Variants in RAPH1 observed in about 807,000 individuals in gnomAD.
RAPH1 encodes ras-associated and pleckstrin homology domains-containing protein 1.
Under a neutral mutation model 88.1 loss-of-function variants are expected in RAPH1, and 18 were observed. The observed-to-expected ratio is 0.20, with a 90% confidence interval of 0.14 to 0.30. The LOEUF (loss-of-function observed/expected upper bound fraction) is 0.30. Ranked by LOEUF, RAPH1 falls within the 10% of genes least tolerant of loss-of-function variation. The probability of loss-of-function intolerance (pLI) is 1.00; values close to 1 mark genes in which losing one functional copy is unlikely to be tolerated. For missense variants in RAPH1, 1,448 were observed against 1,543.2 expected (o/e 0.94, Z 1.03); for synonymous variants, 587 against 559.0 (o/e 1.05, Z -0.71).
At chr2:203,456,926 A>T (rs1244224282) in intron 8 of RAPH1, among the ~76,000 whole-genome samples, 1 of 152,156 alleles carries the variant, frequency 6.6e-6, no homozygotes, top group Non-Finnish European at 1.5e-5. Context: ...GCAGATAAAA[A>T]CAGCAAAACC....
intron 1 of RAPH1, 29 bp from the exon 2 acceptor site, chr2:203,495,382 A>G (rs770627792): frequency 2.3e-5 from 37 of 1,612,334 alleles, no homozygotes; most frequent in Non-Finnish European, 2.9e-5. Flanking sequence ...TGTAGAATGA[A>G]TAGTAAGTTA....
intron 4 of RAPH1, chr2:203,477,117 G>T: frequency 6.2e-7 from 1 of 1,613,938 alleles, no homozygotes; most frequent in South Asian, 1.1e-5. Context: ...TCAATATGAC[G>T]CTTGGCCTGC....
At chr2:203,446,816 T>A (rs1484352389) in intron 12 of RAPH1, 1 of 151,856 alleles carries the variant, frequency 6.6e-6, no homozygotes, top group East Asian at 1.9e-4. Flanking sequence ...TGATTATAGC[T>A]CACTGCAGCC....
chr2:203,516,103 T>A (rs993563552), intron 1 of RAPH1, among the ~76,000 whole-genome samples: 5 of 152,162 alleles, frequency 3.3e-5, no homozygotes, highest in Non-Finnish European at 7.4e-5. Context: ...ATTACAGCAA[T>A]GGTTCAAAAG....
intron 1 of RAPH1, among the ~76,000 whole-genome samples, chr2:203,501,153 G>GA (rs1353387013): frequency 6.6e-6 from 1 of 151,244 alleles, no homozygotes. Context: ...GAAACAATAA[G>GA]AAAAAAAATG....
chr2:203,501,699 C>T (rs1390270310), intron 1 of RAPH1, among the ~76,000 whole-genome samples: 1 of 151,626 alleles, frequency 6.6e-6, no homozygotes, highest in Non-Finnish European at 1.5e-5. Flanking sequence ...ATATCCATCA[C>T]TGAAGTTTCC....
intron 2 of RAPH1, 79 bp from the exon 3 acceptor site, chr2:203,491,398 T>C (rs1444434128): frequency 7.9e-6 from 7 of 883,342 alleles, no homozygotes; most frequent in Non-Finnish European, 1.2e-5. Flanking sequence ...TGTTTTATGA[T>C]TAAGTGAACT....
At chr2:203,515,488 G>A (rs1689559336) in intron 1 of RAPH1, among the ~76,000 whole-genome samples, 1 of 152,186 alleles carries the variant, frequency 6.6e-6, no homozygotes, top group African/African-American at 2.4e-5. Flanking sequence ...ATGACATTCG[G>A]CTAAATTGGC....
rs1035154130 is a variant in RAPH1 at position 203,459,888 on chromosome 2, G to A, written c.1092+19C>T. Reference sequence around the variant, plus strand: ...GACATATTTACAAATCCTGACCTCTGTAAGTTGTTTGGTCTTACCTGTGGG... The same window carrying A: ...GACATATTTACAAATCCTGACCTCTATAAGTTGTTTGGTCTTACCTGTGGG... On this transcript the variant is annotated intron_variant, in intron 7 of 13. Transcript: ENST00000319170. 2.3e-5 allele frequency: 37 copies of A among 1,607,132 alleles called. No individual in the cohort carries two copies. The highest frequency in any genetic ancestry group is 3.0e-5 in the Non-Finnish European group (35 of 1,177,444).
At chr2:203,512,645 CAG>C (rs1253611342) in intron 1 of RAPH1, among the ~76,000 whole-genome samples, 368 of 121,648 alleles carry the variant, frequency 3.0e-3, no homozygotes, top group African/African-American at 0.012. Context: ...TTTTTTGAGA[CAG>C]AGTCTTGCTC....
intron 1 of RAPH1, among the ~76,000 whole-genome samples, chr2:203,499,496 T>C (rs1688649845): frequency 6.6e-6 from 1 of 151,568 alleles, no homozygotes; most frequent in Non-Finnish European, 1.5e-5. Context: ...CCAAGGCGGA[T>C]GGATCACCTG....
intron 1 of RAPH1, among the ~76,000 whole-genome samples, chr2:203,523,222 T>C (rs542005200): frequency 4.0e-5 from 6 of 151,798 alleles, no homozygotes; most frequent in African/African-American, 1.4e-4. Context: ...TTAAACCCCG[T>C]CTCTATTAAA....
At chr2:203,492,792 G>C (rs1688327822) in intron 2 of RAPH1, among the ~76,000 whole-genome samples, 1 of 146,118 alleles carries the variant, frequency 6.8e-6, no homozygotes, top group South Asian at 2.1e-4. Flanking sequence ...TTTTTTTTGA[G>C]ACAAGGTCAT....
chr2:203,465,667 A>G (rs2098527911), intron 4 of RAPH1, among the ~76,000 whole-genome samples: 1 of 152,232 alleles, frequency 6.6e-6, no homozygotes, highest in South Asian at 2.1e-4. Flanking sequence ...CGGGCAGATA[A>G]GGAGTTGAAG....
rs979399934 is a variant in RAPH1 at position 203,436,046 on chromosome 2, G to C, written c.*3391C>G. 2.0e-5 allele frequency: 3 copies of C among 152,146 alleles called. No individual in the cohort carries two copies. The highest frequency in any genetic ancestry group is 7.2e-5 in the African/African-American group (3 of 41,430). The allele number at this position is 152,146 out of a possible 1,614,324, so 9.4% of individuals were successfully genotyped here. On this transcript the variant is annotated 3_prime_UTR_variant, in exon 14 of 14. Transcript: ENST00000319170. The stretch of plus-strand genomic sequence containing the variant: ...ACCTTGATGTCAGAGTTGTCACTTG[G>C]TTGGAATTATTATGATCCCCCAATT...
intron 12 of RAPH1, chr2:203,447,262 C>T (rs997487823): frequency 4.7e-5 from 6 of 128,564 alleles, no homozygotes; most frequent in Non-Finnish European, 8.3e-5. Flanking sequence ...TTTAATAAAA[C>T]GAAAAAACAA....
At position 203,439,553 on chromosome 2, in the gene RAPH1, G is replaced by C; in HGVS notation, c.3637C>G (p.Gln1213Glu). The change falls in exon 14 of 14, where the codon CAA becomes GAA. Residue 1213 changes from glutamine (Q) to glutamate (E), a missense_variant. Transcript: ENST00000319170. ...PPPPPELLSD[Q>E]QKAGYGGSHI... ...CTGCCTCCGTAACCAGCCTTCTGTTGATCAGACAGCAGTTCAGGGGGTGGT... is the reference window on the plus strand; with the variant it reads ...CTGCCTCCGTAACCAGCCTTCTGTTCATCAGACAGCAGTTCAGGGGGTGGT... 1 of 1,614,140 alleles carries C rather than the reference G, an allele frequency of 6.2e-7. No individual in the cohort carries two copies.
chr2:203,444,784 C>A (rs2098507955), intron 13 of RAPH1, 84 bp downstream of exon 13: 1 of 1,250,040 alleles, frequency 8.0e-7, no homozygotes, highest in Non-Finnish European at 1.1e-6. Context: ...AAATAAGATC[C>A]CCGATAAAGA....
chr2:203,438,100 G>A lies in RAPH1; in HGVS notation c.*1337C>T, dbSNP rs1420508587. 2 of 517,008 alleles carry A rather than the reference G, an allele frequency of 3.9e-6. No individual in the cohort carries two copies. The highest frequency in any genetic ancestry group is 7.7e-6 in the Non-Finnish European group (2 of 259,166). 32.0% of individuals were successfully genotyped at this position (517,008 alleles called of 1,614,324 possible). ...TGCACACGCATAAAACGTAATGTCAGTTACTGGACTTGGACTGTCCCACTC... is the reference window on the plus strand; with the variant it reads ...TGCACACGCATAAAACGTAATGTCAATTACTGGACTTGGACTGTCCCACTC... On this transcript the variant is annotated 3_prime_UTR_variant, in exon 14 of 14. Coordinates refer to ENST00000319170, the MANE Select transcript of RAPH1 (RefSeq NM_213589.3).
Sources: gnomAD v4.1 joint callset for allele counts (sites outside exome capture counted in the v4.1 genomes callset) on GRCh38, gnomAD v4.1.1 for gene constraint, MANE v1.5 for transcripts, NCBI Gene and HGNC (gene_info 2026-07-23, HGNC 2026-07-21) for gene names.